OSBPL10: variants seen among roughly 807,000 people sequenced by gnomAD.
The protein encoded by OSBPL10 is oxysterol-binding protein-related protein 10.
Under a neutral mutation model 81.7 loss-of-function variants are expected in OSBPL10, and 49 were observed. That is an observed-to-expected ratio of 0.60 (90% CI 0.48 to 0.76). The LOEUF is 0.76. OSBPL10 is among the 30% of genes least tolerant of loss of function. OSBPL10 has a pLI of 0.00. For missense variants in OSBPL10, 923 were observed against 987.8 expected (o/e 0.93, Z 0.88); for synonymous variants, 419 against 383.6 (o/e 1.09, Z -1.08).
chr3:31,683,986 G>A lies in OSBPL10; in HGVS notation c.1374C>T (p.Phe458=), dbSNP rs17027957. ...GAAAGGCTGTGAGATAATACTCAAC[G>A]AAGCAAATGACTCTCTCCTCTGGTG... The part of the protein sequence containing the change: ...GATPEERVIC[F]VEYYLTAFHE... The change falls in exon 8 of 12, where the codon TTC becomes TTT. Residue 458 remains phenylalanine (F), a synonymous_variant. Transcript: ENST00000396556. The A allele has an allele frequency of 0.013, 21,113 of 1,614,210 alleles. 212 individuals carry two copies. Among genetic ancestry groups the A allele is most frequent in the African/African-American group, 0.04 (3,034 of 75,046 alleles).
intron 6 of OSBPL10, among the ~76,000 whole-genome samples, chr3:31,716,505 T>A (rs1696440399): frequency 6.6e-6 from 1 of 152,156 alleles, no homozygotes; most frequent in South Asian, 2.1e-4. Context: ...AGGTCTGCTC[T>A]AATGATCCCC....
chr3:31,806,907 C>A (rs1049727382), intron 4 of OSBPL10, among the ~76,000 whole-genome samples: 22 of 152,026 alleles, frequency 1.4e-4, no homozygotes, highest in African/African-American at 5.3e-4. Context: ...GCCTGGGGAA[C>A]TAGAACCCAG....
intron 3 of OSBPL10, among the ~76,000 whole-genome samples, chr3:31,857,834 G>C (rs1259435723): frequency 7.4e-6 from 1 of 134,506 alleles, no homozygotes; most frequent in Non-Finnish European, 1.6e-5. Context: ...GGGAGAGGGA[G>C]AGGGAAAGAG....
At chr3:31,790,398 CCT>C (rs1698980390) in intron 4 of OSBPL10, among the ~76,000 whole-genome samples, 1 of 152,168 alleles carries the variant, frequency 6.6e-6, no homozygotes, top group South Asian at 2.1e-4. Context: ...CCCATGAACC[CCT>C]GAGTATGCGC....
chr3:32,020,826 G>A (rs1168235041), intron 2 of OSBPL10, among the ~76,000 whole-genome samples: 6 of 152,212 alleles, frequency 3.9e-5, no homozygotes, highest in African/African-American at 1.4e-4. Context: ...CAAGAGCAAG[G>A]TGGTTGTGTT....
At chr3:31,854,689 A>G (rs1700863579) in intron 3 of OSBPL10, among the ~76,000 whole-genome samples, 1 of 152,202 alleles carries the variant, frequency 6.6e-6, no homozygotes, top group Non-Finnish European at 1.5e-5. Context: ...ACCAATTACT[A>G]ACATTTTACC....
intron 4 of OSBPL10, among the ~76,000 whole-genome samples, chr3:31,773,719 T>TGTCATGCTTC (rs1575535254): frequency 6.6e-6 from 1 of 152,218 alleles, no homozygotes; most frequent in South Asian, 2.1e-4. Flanking sequence ...TGGCTGAGAA[T>TGTCATGCTTC]GTCATGCTTC....
chr3:31,855,131 T>TC, intron 3 of OSBPL10, among the ~76,000 whole-genome samples: 1 of 152,226 alleles, frequency 6.6e-6, no homozygotes, highest in Non-Finnish European at 1.5e-5. Flanking sequence ...ACTCAAGGTA[T>TC]CCTTCCACCT....
intron 6 of OSBPL10, among the ~76,000 whole-genome samples, chr3:31,707,905 A>G (rs1411913991): frequency 6.6e-6 from 1 of 152,146 alleles, no homozygotes; most frequent in Non-Finnish European, 1.5e-5. Context: ...AGAAAAATAA[A>G]GAGTGTGGAG....
intron 2 of OSBPL10, among the ~76,000 whole-genome samples, chr3:32,024,701 T>G (rs779935742): frequency 2.6e-5 from 4 of 152,076 alleles, no homozygotes; most frequent in Non-Finnish European, 5.9e-5. Flanking sequence ...GCCAGGCTGG[T>G]CTAGAACTCC....
chr3:31,745,423 G>T (rs1397688629), intron 5 of OSBPL10, among the ~76,000 whole-genome samples: 1 of 152,160 alleles, frequency 6.6e-6, no homozygotes. Flanking sequence ...GTTACTGTTT[G>T]GGGAATTTGA....
chr3:31,858,509 G>C (rs972069277), intron 3 of OSBPL10, among the ~76,000 whole-genome samples: 1 of 152,096 alleles, frequency 6.6e-6, no homozygotes, highest in Non-Finnish European at 1.5e-5. Flanking sequence ...TTCAGTGTCT[G>C]GCTCTGTACT....
intron 3 of OSBPL10, among the ~76,000 whole-genome samples, chr3:31,854,923 C>G (rs1244226279): frequency 1.3e-5 from 2 of 152,356 alleles, no homozygotes; most frequent in Non-Finnish European, 2.9e-5. Context: ...TTTATCCTAT[C>G]TACTGTCTGT....
chr3:31,837,358 TATATATATATATATATAGTA>T lies in OSBPL10; in HGVS notation c.538-7147_538-7128del, dbSNP rs1318345370. 9.3e-3 allele frequency among the ~76,000 whole-genome samples: 304 copies of T among 32,524 alleles called. 2 individuals are homozygous for T. The highest frequency in any genetic ancestry group is 0.02 in the African/African-American group (250 of 12,570). The allele number at this position is 32,524 out of a possible 152,430, so 21.3% of individuals were successfully genotyped here. On this transcript the variant is annotated intron_variant, in intron 3 of 11. Transcript: ENST00000396556. ...ATATATATATATATATATATATATA[TATATATATATATATATAGTA>T]AGTAACATAACACAGAGACCTTTAA...
At chr3:32,031,433 G>A (rs1482234869) in intron 2 of OSBPL10, among the ~76,000 whole-genome samples, 1 of 151,544 alleles carries the variant, frequency 6.6e-6, no homozygotes, top group African/African-American at 2.4e-5. Flanking sequence ...ATTCTCTTCA[G>A]TTATTTAACC....
At position 31,817,674 on chromosome 3, in the gene OSBPL10, G is replaced by T. The variant is rs145489746; in HGVS notation, c.729+12366C>A. 1.7e-3 allele frequency among the ~76,000 whole-genome samples: 257 copies of T among 152,310 alleles called. 3 individuals are homozygous for T. The highest frequency in any genetic ancestry group is 5.4e-3 in the African/African-American group (226 of 41,584). Reference sequence around the variant, plus strand: ...GCTGTGGCCCCGCCAAGGAGGGCAGGCTCCTGCCTGCTTGATAGAGCAGGA... The same window carrying T: ...GCTGTGGCCCCGCCAAGGAGGGCAGTCTCCTGCCTGCTTGATAGAGCAGGA... On this transcript the variant is annotated intron_variant, in intron 4 of 11. Coordinates refer to ENST00000396556, the MANE Select transcript of OSBPL10 (RefSeq NM_017784.5).
intron 2 of OSBPL10, among the ~76,000 whole-genome samples, chr3:32,008,226 G>A (rs1346356124): frequency 2.0e-5 from 3 of 149,098 alleles, no homozygotes; most frequent in Non-Finnish European, 3.0e-5. Context: ...AGGCTGGAGT[G>A]CAGTGGCGCT....
In OSBPL10 at chr3:31,901,485, T is replaced by TG. The variant is rs1285863378; in HGVS notation, c.282-21656dup. Reference sequence around the variant, plus strand: ...GGAAGTCTCTTCCCTACTCTTGGTCTGGCTACTTCTTACTTGTGCTTTCAG... The same window carrying TG: ...GGAAGTCTCTTCCCTACTCTTGGTCTGGGCTACTTCTTACTTGTGCTTTCAG... On this transcript the variant is annotated intron_variant, in intron 1 of 11. Coordinates refer to ENST00000396556, the MANE Select transcript of OSBPL10 (RefSeq NM_017784.5). Among the ~76,000 whole-genome samples the TG allele has an allele frequency of 9.2e-5, 14 of 152,334 alleles. No individual in the cohort carries two copies. The East Asian group carries it at 2.7e-3, about 29-fold the overall frequency.
At chr3:31,915,401 T>C (rs1245347078) in intron 1 of OSBPL10, among the ~76,000 whole-genome samples, 2 of 152,100 alleles carry the variant, frequency 1.3e-5, no homozygotes, top group African/African-American at 4.8e-5. Flanking sequence ...TAAAATGTGG[T>C]ACACATATAT....
Sources: allele counts gnomAD v4.1 joint callset (sites outside exome capture counted in the v4.1 genomes callset), GRCh38; gene constraint gnomAD v4.1.1; transcripts MANE v1.5; gene names NCBI Gene and HGNC (gene_info 2026-07-23, HGNC 2026-07-21).